The following PDS5B variants were observed in gnomAD, a reference collection of about 807,000 sequenced individuals.
The protein encoded by PDS5B is PDS5 cohesin associated factor B, also known as sister chromatid cohesion protein PDS5 homolog B.
Under a neutral mutation model 184.1 loss-of-function variants are expected in PDS5B, and 51 were observed. The ratio of observed to expected loss-of-function variants is 0.28; its 90% confidence interval spans 0.22 to 0.35. The LOEUF is 0.35. PDS5B is among the 10% of genes least tolerant of loss of function. The pLI, the probability that PDS5B is intolerant of heterozygous loss-of-function variation, is 1.00. For missense variants in PDS5B, 1,180 were observed against 1,723.3 expected, an observed-to-expected ratio of 0.68 and a Z score of 5.58; for synonymous variants, 566 against 569.2, an observed-to-expected ratio of 0.99 and a Z score of 0.08.
intron 29 of PDS5B, among the ~76,000 whole-genome samples, chr13:32,760,136 T>A (rs1441807393): frequency 6.6e-6 from 1 of 152,158 alleles, no homozygotes; most frequent in Non-Finnish European, 1.5e-5. Flanking sequence ...TTTGTATTTT[T>A]AGTAGAGACG....
chr13:32,774,631 C>T (rs1954898231), intron 34 of PDS5B, among the ~76,000 whole-genome samples: 1 of 152,110 alleles, frequency 6.6e-6, no homozygotes, highest in Non-Finnish European at 1.5e-5. Flanking sequence ...ACTGCTTTCC[C>T]AGAAAGATAA....
intron 17 of PDS5B, among the ~76,000 whole-genome samples, chr13:32,704,873 A>G: frequency 6.6e-6 from 1 of 152,188 alleles, no homozygotes; most frequent in East Asian, 1.9e-4. Flanking sequence ...GTTATTGTGA[A>G]TAGATTTCCC....
intron 1 of PDS5B, among the ~76,000 whole-genome samples, chr13:32,645,977 T>G (rs1034500050): frequency 7.1e-6 from 1 of 140,026 alleles, no homozygotes; most frequent in Admixed American, 7.2e-5. Flanking sequence ...CTTTGATGTG[T>G]GTGTGTGGGT....
rs1386141629 is a variant in PDS5B, at chr13:32,777,686, CA to C, written c.*2635del. 2 of 152,282 alleles carry C rather than the reference CA, an allele frequency of 1.3e-5. No homozygotes were observed. The highest frequency in any genetic ancestry group is 2.9e-5 in the Non-Finnish European group (2 of 67,802). 9.4% of individuals were successfully genotyped at this position (152,282 alleles called of 1,614,324 possible). On this transcript the variant is annotated 3_prime_UTR_variant, in exon 35 of 35. Coordinates refer to ENST00000315596, the MANE Select transcript of PDS5B (RefSeq NM_015032.4). Reference sequence around the variant, plus strand: ...CTCTGTAGCAAATTTGTTTAATCTACATTATAATAAAATTTCTTGCTGCAGT... The same window carrying C: ...CTCTGTAGCAAATTTGTTTAATCTACTTATAATAAAATTTCTTGCTGCAGT...
chr13:32,695,655 A>G (rs933835342), intron 14 of PDS5B, among the ~76,000 whole-genome samples: 5 of 152,064 alleles, frequency 3.3e-5, no homozygotes, highest in African/African-American at 1.2e-4. Flanking sequence ...TGTATAAATC[A>G]TATGTTGAAC....
At chr13:32,766,972 CCTT>C (rs1180398423) in intron 31 of PDS5B, among the ~76,000 whole-genome samples, 1 of 152,014 alleles carries the variant, frequency 6.6e-6, no homozygotes, top group Non-Finnish European at 1.5e-5. Context: ...ATTTCTTTTA[CCTT>C]CTTATCTTTG....
intron 17 of PDS5B, among the ~76,000 whole-genome samples, chr13:32,702,402 TTAAG>T (rs1224423403): frequency 1.3e-5 from 2 of 152,188 alleles, no homozygotes; most frequent in South Asian, 2.1e-4. Context: ...GACAAATTTA[TTAAG>T]TAAGTAATCT....
intron 19 of PDS5B, 76 bp from the exon 20 acceptor site, chr13:32,732,025 A>T: frequency 8.2e-7 from 1 of 1,226,336 alleles, no homozygotes; most frequent in African/African-American, 1.5e-5. Flanking sequence ...ACTTAAAAAT[A>T]CAAATATTAA....
chr13:32,709,877 G>A lies in PDS5B; in HGVS notation c.1963-69G>A, dbSNP rs1280600233. 4 of 890,786 alleles carry A rather than the reference G, an allele frequency of 4.5e-6. No homozygotes were observed. In the African/African-American group the frequency reaches 7.0e-5, roughly 15 times the overall value. 55.2% of individuals were successfully genotyped at this position (890,786 alleles called of 1,614,324 possible). A position where few individuals can be genotyped will look rare whatever the true frequency, so the allele number is the denominator to read the frequency against. ...CTTTGATTTATAGTATTTCTAATAT[G>A]TAATATTTTGGATTTGTATTATAAA... On this transcript the variant is annotated intron_variant, in intron 18 of 34. Coordinates refer to ENST00000315596, the MANE Select transcript of PDS5B (RefSeq NM_015032.4).
At chr13:32,747,608 T>A (rs999209001) in intron 24 of PDS5B, among the ~76,000 whole-genome samples, 1 of 151,534 alleles carries the variant, frequency 6.6e-6, no homozygotes, top group Non-Finnish European at 1.5e-5. Context: ...AAAAAAAATT[T>A]GGGGGGAGCC....
intron 31 of PDS5B, among the ~76,000 whole-genome samples, chr13:32,766,404 T>A (rs934789021): frequency 1.3e-5 from 2 of 152,238 alleles, no homozygotes; most frequent in Non-Finnish European, 2.9e-5. Flanking sequence ...TCTTGAGACC[T>A]ATTAGTATGA....
chr13:32,758,804 G>T, intron 28 of PDS5B, 151 bp downstream of exon 28: 2 of 726,060 alleles, frequency 2.8e-6, no homozygotes, highest in Non-Finnish European at 4.6e-6. Flanking sequence ...CAAACTGGAG[G>T]ACACACATAA....
chr13:32,642,086 G>A (rs1046804434), intron 1 of PDS5B, among the ~76,000 whole-genome samples: 2 of 152,220 alleles, frequency 1.3e-5, no homozygotes, highest in African/African-American at 4.8e-5. Flanking sequence ...TTCGTAAGTC[G>A]TTGAATCAGT....
chr13:32,649,173 CCTTT>C (rs1036105195), intron 2 of PDS5B: 7 of 235,908 alleles, frequency 3.0e-5, no homozygotes, highest in African/African-American at 1.6e-4. Flanking sequence ...AAAGTTGTCT[CCTTT>C]CTTCTATATA....
chr13:32,674,067 G>A (rs1404713929), intron 8 of PDS5B, among the ~76,000 whole-genome samples: 1 of 151,880 alleles, frequency 6.6e-6, no homozygotes, highest in Admixed American at 6.6e-5. Context: ...CACCTGCCTC[G>A]GCCTCCCAAT....
chr13:32,640,333 A>G (rs1285500472), intron 1 of PDS5B, among the ~76,000 whole-genome samples: 1 of 151,922 alleles, frequency 6.6e-6, no homozygotes, highest in Non-Finnish European at 1.5e-5. Context: ...TGCAACCTCC[A>G]CCTCCCAGGT....
rs760340104 is a variant in PDS5B at position 32,760,730 on chromosome 13, A to T, written c.3518+10A>T. 6.2e-7 allele frequency: 1 copy of T among 1,609,732 alleles called. No homozygotes were observed. Among genetic ancestry groups the T allele is most frequent in the African/African-American group, 1.3e-5 (1 of 74,708 alleles). ...GAAGAATAAAGGGGAGGTAAGTGCA[A>T]AAGAAATGCCACAATTTACATTTAA... On this transcript the variant is annotated intron_variant, in intron 30 of 34. Coordinates refer to ENST00000315596, the MANE Select transcript of PDS5B (RefSeq NM_015032.4).
intron 19 of PDS5B, among the ~76,000 whole-genome samples, chr13:32,712,598 C>T (rs1484835189): frequency 1.3e-5 from 2 of 152,178 alleles, no homozygotes; most frequent in East Asian, 3.8e-4. Flanking sequence ...ACAGAATTGG[C>T]ACCAGATGTG....
Position 32,727,928 on chromosome 13 carries a change from C to G in PDS5B, c.2124-4173C>G, listed in dbSNP as rs143490271. ...GGGCTCCAATTACAAGTATTTTTGA[C>G]TACTTGATACTGTCTTATAGATCAC... is the stretch of plus-strand genomic sequence containing the variant. On this transcript the variant is annotated intron_variant, in intron 19 of 34. Transcript: ENST00000315596. 3.9e-4 allele frequency among the ~76,000 whole-genome samples: 59 copies of G among 151,752 alleles called. No individual in the cohort carries two copies. In the East Asian group the frequency reaches 0.011, roughly 28 times the overall value.
Sources: allele counts gnomAD v4.1 joint callset (sites outside exome capture counted in the v4.1 genomes callset), GRCh38; gene constraint gnomAD v4.1.1; transcripts MANE v1.5; gene names NCBI Gene and HGNC (gene_info 2026-07-23, HGNC 2026-07-21).